CTNNA3: variants seen among roughly 807,000 people sequenced by gnomAD.
CTNNA3 encodes the protein catenin alpha-3.
A neutral mutation model predicts 95.7 loss-of-function variants in CTNNA3; 76 were observed. The ratio of observed to expected loss-of-function variants is 0.79; its 90% CI spans 0.66 to 0.96. The LOEUF (loss-of-function observed/expected upper bound fraction) is 0.96, where lower values mean the gene tolerates loss of function less well. CTNNA3 is among the 40% of genes least tolerant of loss of function. The probability of loss-of-function intolerance (pLI) is 0.00; values close to 1 mark genes in which losing one functional copy is unlikely to be tolerated. For synonymous variants in CTNNA3, 431 were observed against 374.4 expected, an observed-to-expected ratio of 1.15 and a Z score of -1.74; for missense variants, 1,191 against 1,089.8, an observed-to-expected ratio of 1.09 and a Z score of -1.31.
At chr10:67,607,100 A>C in intron 2 of CTNNA3, 51 bp from the exon 3 acceptor site, 2 of 1,410,426 alleles carry the variant, frequency 1.4e-6, no homozygotes. Flanking sequence ...TAAGGAGAAC[A>C]CAGTCCTGGG....
intron 9 of CTNNA3, among the ~76,000 whole-genome samples, chr10:66,684,375 G>C (rs1435223395): frequency 2.6e-5 from 4 of 152,104 alleles, no homozygotes; most frequent in Non-Finnish European, 5.9e-5. Context: ...ATATTATGGG[G>C]TAAAATGGGA....
At chr10:67,308,893 CT>C (rs935724774) in intron 5 of CTNNA3, among the ~76,000 whole-genome samples, 2 of 151,598 alleles carry the variant, frequency 1.3e-5, no homozygotes, top group African/African-American at 2.4e-5. Context: ...TACTTCAAAA[CT>C]TTTTTTTTCC....
At chr10:66,624,785 G>A (rs1844874968) in intron 9 of CTNNA3, among the ~76,000 whole-genome samples, 1 of 152,092 alleles carries the variant, frequency 6.6e-6, no homozygotes, top group South Asian at 2.1e-4. Context: ...TAAGCAGGGG[G>A]ATGAAACATA....
intron 7 of CTNNA3, among the ~76,000 whole-genome samples, chr10:66,916,490 T>C (rs942649337): frequency 1.3e-5 from 2 of 152,208 alleles, no homozygotes; most frequent in African/African-American, 4.8e-5. Context: ...TTTTCTCCTA[T>C]TTGCTTTTTA....
intron 11 of CTNNA3, among the ~76,000 whole-genome samples, chr10:66,490,136 G>C (rs542520930): frequency 5.9e-5 from 9 of 152,216 alleles, no homozygotes; most frequent in African/African-American, 1.9e-4. Flanking sequence ...GCCTCATTTT[G>C]TGGGGTCTCT....
intron 7 of CTNNA3, among the ~76,000 whole-genome samples, chr10:67,013,862 A>G (rs1404183782): frequency 6.6e-6 from 1 of 152,106 alleles, no homozygotes; most frequent in Non-Finnish European, 1.5e-5. Context: ...CACTCTCACA[A>G]GGATGTAGAT....
At chr10:66,275,376 C>T (rs947772681) in intron 13 of CTNNA3, among the ~76,000 whole-genome samples, 1 of 152,188 alleles carries the variant, frequency 6.6e-6, no homozygotes, top group African/African-American at 2.4e-5. Context: ...CCTTGGCCTC[C>T]CAAACAGGCG....
intron 7 of CTNNA3, among the ~76,000 whole-genome samples, chr10:66,886,732 G>A (rs770602921): frequency 7.9e-5 from 12 of 152,078 alleles, no homozygotes; most frequent in East Asian, 3.9e-4. Context: ...CCTGCATCCC[G>A]TTTCCTGAAT....
intron 7 of CTNNA3, among the ~76,000 whole-genome samples, chr10:66,891,990 C>G (rs1423127371): frequency 6.6e-6 from 1 of 152,074 alleles, no homozygotes; most frequent in Non-Finnish European, 1.5e-5. Flanking sequence ...GTGCAAATCA[C>G]TTTACCTGTC....
chr10:66,374,065 T>C (rs1283449940), intron 12 of CTNNA3, among the ~76,000 whole-genome samples: 2 of 152,180 alleles, frequency 1.3e-5, no homozygotes, highest in African/African-American at 4.8e-5. Context: ...AGTGTAATCT[T>C]GCAGTACATT....
intron 15 of CTNNA3, among the ~76,000 whole-genome samples, chr10:65,994,606 C>A (rs914769915): frequency 3.3e-5 from 5 of 152,122 alleles, no homozygotes; most frequent in Non-Finnish European, 7.4e-5. Context: ...TGACTTTCAA[C>A]AATTTGACTA....
rs190008873 is a variant in CTNNA3, at chr10:67,097,489, C to A, written c.1047+82828G>T. On this transcript the variant is annotated intron_variant, in intron 7 of 17. Coordinates refer to ENST00000433211, the MANE Select transcript of CTNNA3 (RefSeq NM_013266.4). ...TGGGCCACAGGGCCACAGATATAAC[C>A]ATGGAGGTTAGTCAGGTCAGCACTT... 2.1e-4 allele frequency: 212 copies of A among 1,024,988 alleles called. 2 individuals carry two copies. The East Asian group carries it at 4.2e-3, about 20-fold the overall frequency. The allele number at this position is 1,024,988 out of a possible 1,614,324, so 63.5% of individuals were successfully genotyped here.
At chr10:66,782,312 A>G (rs1589249394) in intron 7 of CTNNA3, among the ~76,000 whole-genome samples, 1 of 152,270 alleles carries the variant, frequency 6.6e-6, no homozygotes, top group African/African-American at 2.4e-5. Context: ...TACCAATGTC[A>G]CACTTGGGTT....
In CTNNA3 at chr10:66,380,617, C is replaced by CTA. The variant is rs1311081871; in HGVS notation, c.1532-1267_1532-1266dup. Reference sequence around the variant, plus strand: ...AGTGAGGCCCTATCTATCTATCTATCTATCTATCTATATATATATATATAT... The same window carrying CTA: ...AGTGAGGCCCTATCTATCTATCTATCTATATCTATCTATATATATATATATAT... On this transcript the variant is annotated intron_variant, in intron 11 of 17. Transcript: ENST00000433211. Among the ~76,000 whole-genome samples the CTA allele has an allele frequency of 8.2e-4, 94 of 114,800 alleles. 1 individual carries two copies. Among genetic ancestry groups the CTA allele is most frequent in the African/African-American group, 3.5e-3 (84 of 23,788 alleles). 75.3% of individuals were successfully genotyped at this position (114,800 alleles called of 152,430 possible).
chr10:67,596,732 T>C (rs1842941716), intron 3 of CTNNA3, among the ~76,000 whole-genome samples: 2 of 152,224 alleles, frequency 1.3e-5, no homozygotes, highest in South Asian at 4.1e-4. Flanking sequence ...TGGAGAATGA[T>C]AATTATGTGT....
intron 3 of CTNNA3, among the ~76,000 whole-genome samples, chr10:67,597,722 A>T (rs55993935): frequency 0.025 from 3,835 of 152,282 alleles, 69 homozygotes; most frequent in African/African-American, 0.043. Context: ...TCATGCTCAC[A>T]TGTGTGCACC....
chr10:66,236,985 T>C (rs981206961), intron 13 of CTNNA3, among the ~76,000 whole-genome samples: 9 of 151,530 alleles, frequency 5.9e-5, no homozygotes, highest in Non-Finnish European at 1.3e-4. Flanking sequence ...AAAGATTAGC[T>C]GGGCATGGTG....
chr10:66,791,956 TATAAC>T (rs141750432), intron 7 of CTNNA3, among the ~76,000 whole-genome samples: 15,953 of 152,162 alleles, frequency 0.1, 897 homozygotes, highest in Non-Finnish European at 0.13. Flanking sequence ...ACTGAAAAGA[TATAAC>T]ATCATATGAG....
At chr10:67,080,639 G>A (rs1175689957) in intron 7 of CTNNA3, among the ~76,000 whole-genome samples, 1 of 152,120 alleles carries the variant, frequency 6.6e-6, no homozygotes, top group African/African-American at 2.4e-5. Context: ...GCCGGGCATG[G>A]TGGCTCACGC....
Sources: allele counts gnomAD v4.1 joint callset (sites outside exome capture counted in the v4.1 genomes callset), GRCh38; gene constraint gnomAD v4.1.1; transcripts MANE v1.5; gene names NCBI Gene and HGNC (gene_info 2026-07-23, HGNC 2026-07-21).